The following POU6F2 variants were observed in gnomAD, a reference collection of about 807,000 sequenced individuals.
POU6F2 encodes POU domain, class 6, transcription factor 2.
Under a neutral mutation model 71.3 loss-of-function variants are expected in POU6F2, and 31 were observed. The observed-to-expected ratio is 0.43, with a 90% CI of 0.33 to 0.59. The LOEUF (loss-of-function observed/expected upper bound fraction) is 0.59. Ranked by LOEUF, POU6F2 falls within the 20% of genes least tolerant of loss-of-function variation. The pLI, the probability that POU6F2 is intolerant of heterozygous loss-of-function variation, is 0.04. For synonymous variants in POU6F2, 347 were observed against 355.7 expected (o/e 0.98, Z 0.27); for missense variants, 783 against 856.8 (o/e 0.91, Z 1.07).
intron 4 of POU6F2, among the ~76,000 whole-genome samples, chr7:39,223,072 T>C (rs917136798): frequency 6.6e-6 from 1 of 152,184 alleles, no homozygotes; most frequent in Non-Finnish European, 1.5e-5. Context: ...CTGAAGTTTT[T>C]TGGTTTGTTT....
intron 4 of POU6F2, among the ~76,000 whole-genome samples, chr7:39,228,229 A>G (rs912477750): frequency 1.1e-4 from 17 of 152,212 alleles, no homozygotes; most frequent in African/African-American, 4.1e-4. Flanking sequence ...GTTTTTGTGT[A>G]GGTTTGATGA....
chr7:39,009,016 G>C (rs1396543236), intron 1 of POU6F2, among the ~76,000 whole-genome samples: 1 of 152,054 alleles, frequency 6.6e-6, no homozygotes, highest in Non-Finnish European at 1.5e-5. Flanking sequence ...GCTCTTTTTT[G>C]GTTCCATATG....
chr7:39,230,341 T>A (rs1794552124), intron 4 of POU6F2, among the ~76,000 whole-genome samples: 1 of 152,050 alleles, frequency 6.6e-6, no homozygotes, highest in African/African-American at 2.4e-5. Flanking sequence ...AAAATTTAGC[T>A]GGGTGTAGTG....
intron 6 of POU6F2, among the ~76,000 whole-genome samples, chr7:39,421,759 A>G (rs941203010): frequency 1.3e-5 from 2 of 152,178 alleles, no homozygotes; most frequent in African/African-American, 2.4e-5. Context: ...AAGAAAAATA[A>G]TATAAACATT....
intron 1 of POU6F2, among the ~76,000 whole-genome samples, chr7:39,061,900 C>T (rs1044540352): frequency 2.0e-5 from 3 of 152,146 alleles, no homozygotes; most frequent in South Asian, 2.1e-4. Flanking sequence ...CAAGGTGCCT[C>T]GCTTTGAAAC....
chr7:39,024,122 T>C (rs1446183951), intron 1 of POU6F2, among the ~76,000 whole-genome samples: 1 of 152,210 alleles, frequency 6.6e-6, no homozygotes, highest in Non-Finnish European at 1.5e-5. Context: ...CGATATTGAT[T>C]CTTCCTACCC....
chr7:39,174,528 T>A (rs933907874), intron 2 of POU6F2, among the ~76,000 whole-genome samples: 1 of 152,186 alleles, frequency 6.6e-6, no homozygotes, highest in Admixed American at 6.5e-5. Context: ...TGCAAACTTA[T>A]CTGCAGTCAC....
At chr7:39,352,370 G>A (rs1423716400) in intron 5 of POU6F2, among the ~76,000 whole-genome samples, 8 of 152,180 alleles carry the variant, frequency 5.3e-5, no homozygotes, top group Non-Finnish European at 8.8e-5. Flanking sequence ...CAGTGCATTT[G>A]AGATTGCCTG....
chr7:39,013,804 A>G (rs1789397536), intron 1 of POU6F2, among the ~76,000 whole-genome samples: 1 of 152,178 alleles, frequency 6.6e-6, no homozygotes, highest in Non-Finnish European at 1.5e-5. Context: ...AAATAGTTGT[A>G]ATATGTCATC....
chr7:39,069,128 T>C (rs1432624070), intron 1 of POU6F2, among the ~76,000 whole-genome samples: 2 of 152,198 alleles, frequency 1.3e-5, no homozygotes, highest in African/African-American at 2.4e-5. Flanking sequence ...GTGGGGAGGA[T>C]TGAAGTTGAG....
At chr7:39,262,880 CCTT>C (rs1290363783) in intron 4 of POU6F2, among the ~76,000 whole-genome samples, 22 of 152,130 alleles carry the variant, frequency 1.4e-4, no homozygotes, top group African/African-American at 5.3e-4. Context: ...GTTCCCTTTC[CCTT>C]CTTTTCTGAC....
At chr7:38,991,875 C>T (rs1403432756) in intron 1 of POU6F2, among the ~76,000 whole-genome samples, 1 of 151,924 alleles carries the variant, frequency 6.6e-6, no homozygotes, top group African/African-American at 2.4e-5. Flanking sequence ...TCTCACATCT[C>T]TATCTTTATC....
intron 1 of POU6F2, among the ~76,000 whole-genome samples, chr7:39,024,265 C>A (rs906451237): frequency 8.6e-5 from 13 of 151,856 alleles, no homozygotes; most frequent in African/African-American, 3.1e-4. Flanking sequence ...CTCTTTGAAG[C>A]AATTGTGAAT....
chr7:39,386,095 G>T (rs1786934376), intron 5 of POU6F2, among the ~76,000 whole-genome samples: 1 of 144,154 alleles, frequency 6.9e-6, no homozygotes, highest in Non-Finnish European at 1.5e-5. Flanking sequence ...TCCAGCCTGG[G>T]CAACAGAGCA....
At chr7:38,991,850 CT>C (rs1360653949) in intron 1 of POU6F2, among the ~76,000 whole-genome samples, 8 of 150,072 alleles carry the variant, frequency 5.3e-5, no homozygotes, top group African/African-American at 1.8e-4. Context: ...CTCTCTCTCT[CT>C]CTCTCTCCCT....
At chr7:39,088,889 C>T (rs1791308935) in intron 2 of POU6F2, among the ~76,000 whole-genome samples, 1 of 152,184 alleles carries the variant, frequency 6.6e-6, no homozygotes, top group South Asian at 2.1e-4. Context: ...CCCAAAACTG[C>T]AGGAGAAGGG....
At position 39,154,622 on chromosome 7, in the gene POU6F2, A is replaced by G. The variant is rs1423721138; in HGVS notation, c.278-49613A>G. Among the ~76,000 whole-genome samples, 3 of 152,220 alleles carry G rather than the reference A, an allele frequency of 2.0e-5. No homozygotes were observed. In the East Asian group the frequency reaches 5.8e-4, roughly 29 times the overall value. ...TGGATTAGAAATTGCAACCGCAGGTAGAACCACTTTCTAGGGTTGATAACC... is the reference window on the plus strand; with the variant it reads ...TGGATTAGAAATTGCAACCGCAGGTGGAACCACTTTCTAGGGTTGATAACC... On this transcript the variant is annotated intron_variant, in intron 2 of 9. Coordinates refer to ENST00000518318, the MANE Select transcript of POU6F2 (RefSeq NM_001370959.1).
chr7:39,274,379 A>T lies in POU6F2; in HGVS notation c.599-65263A>T, dbSNP rs1331056913. 4.6e-5 allele frequency among the ~76,000 whole-genome samples: 7 copies of T among 150,966 alleles called. No individual in the cohort carries two copies. In the East Asian group the frequency reaches 1.4e-3, roughly 29 times the overall value. ...AAGTTGAATCTCTGAATAGACCAAT[A>T]ACAGGATCTGAAATTGTGGCAATAA... On this transcript the variant is annotated intron_variant, in intron 4 of 9. Transcript: ENST00000518318.
chr7:39,379,697 A>AG (rs1408009295), intron 5 of POU6F2, among the ~76,000 whole-genome samples: 2 of 152,102 alleles, frequency 1.3e-5, no homozygotes, highest in Non-Finnish European at 2.9e-5. Flanking sequence ...TTTAAAAAAA[A>AG]ATTTTAAACA....
Sources: allele counts gnomAD v4.1 joint callset (sites outside exome capture counted in the v4.1 genomes callset), GRCh38; gene constraint gnomAD v4.1.1; transcripts MANE v1.5; gene names NCBI Gene and HGNC (gene_info 2026-07-23, HGNC 2026-07-21).